Variants in CKMT2 observed in about 807,000 individuals in gnomAD.
CKMT2 encodes the protein creatine kinase, mitochondrial 2, also known as creatine kinase S-type, mitochondrial.
In CKMT2, 43 loss-of-function variants were observed where a neutral mutation model predicts 48.9. The ratio of observed to expected loss-of-function variants is 0.88; its 90% CI spans 0.69 to 1.13. CKMT2 has a LOEUF of 1.13. CKMT2 is among the 50% of genes most tolerant of loss of function. The pLI is 0.00. For synonymous variants in CKMT2, 206 were observed against 213.0 expected (o/e 0.97, Z 0.29); for missense variants, 472 against 555.4 (o/e 0.85, Z 1.51).
intron 8 of CKMT2, among the ~76,000 whole-genome samples, chr5:81,259,884 A>G (rs901131425): frequency 5.9e-5 from 9 of 152,230 alleles, no homozygotes; most frequent in Non-Finnish European, 8.8e-5. Flanking sequence ...ATACACATCT[A>G]TAGAACTATC....
chr5:81,255,499 G>C (rs907893324), intron 5 of CKMT2, among the ~76,000 whole-genome samples: 9 of 152,230 alleles, frequency 5.9e-5, no homozygotes, highest in Non-Finnish European at 1.0e-4. Context: ...ATGAATGGAG[G>C]ATCTCCTAGC....
At position 81,252,622 on chromosome 5, in the gene CKMT2, AAAC is replaced by A. The variant is rs555346881; in HGVS notation, c.153-67_153-65del. Reference sequence around the variant, plus strand: ...AAGGGAGCCTAGTGGAAGGATGGGCAAACAACAAGTCCTTCCATTGGCCCCTTT... The same window carrying A: ...AAGGGAGCCTAGTGGAAGGATGGGCAAACAAGTCCTTCCATTGGCCCCTTT... On this transcript the variant is annotated intron_variant, in intron 2 of 9. Transcript: ENST00000254035. 176 of 1,503,384 alleles carry A rather than the reference AAAC, an allele frequency of 1.2e-4. No individual in the cohort carries two copies. In the African/African-American group the frequency reaches 2.0e-3, roughly 17 times the overall value. The allele number at this position is 1,503,384 out of a possible 1,614,324, so 93.1% of individuals were successfully genotyped here.
intron 1 of CKMT2, among the ~76,000 whole-genome samples, chr5:81,234,861 C>CCT (rs1756203919): frequency 6.6e-6 from 1 of 152,174 alleles, no homozygotes; most frequent in African/African-American, 2.4e-5. Flanking sequence ...CCATAGCCTA[C>CCT]AGCAGGCTCC....
chr5:81,263,063 A>C (rs1757276473), intron 8 of CKMT2, among the ~76,000 whole-genome samples: 1 of 152,072 alleles, frequency 6.6e-6, no homozygotes, highest in Admixed American at 6.6e-5. Flanking sequence ...TTCTCAGCAA[A>C]CTAACACAAG....
chr5:81,260,716 GTAAT>G (rs1233954705), intron 8 of CKMT2, among the ~76,000 whole-genome samples: 4 of 152,166 alleles, frequency 2.6e-5, no homozygotes, highest in African/African-American at 4.8e-5. Context: ...AATTAAGGCA[GTAAT>G]TAATAGCCTA....
chr5:81,243,889 C>T lies in CKMT2; in HGVS notation c.-20-7224C>T, dbSNP rs576146207. 2.2e-4 allele frequency among the ~76,000 whole-genome samples: 33 copies of T among 152,264 alleles called. 1 individual carries two copies. Among genetic ancestry groups the T allele is most frequent in the East Asian group, 9.7e-4 (5 of 5,174 alleles). ...TGTATTTTTAGTAGAGACAGGGTTT[C>T]GCCATGTTGGCTAGGCTGGTCTCTA... On this transcript the variant is annotated intron_variant, in intron 1 of 9. Transcript: ENST00000254035.
intron 1 of CKMT2, among the ~76,000 whole-genome samples, chr5:81,234,021 TAAAAAAAAAAAAAAA>T (rs536455571): frequency 1.1e-5 from 1 of 91,932 alleles, no homozygotes; most frequent in South Asian, 4.2e-4. Context: ...GGAGGTTAAT[TAAAAAAAAAAAAAAA>T]AAAAAAAAAA....
chr5:81,250,474 C>T (rs1334854459), intron 1 of CKMT2, among the ~76,000 whole-genome samples: 1 of 152,098 alleles, frequency 6.6e-6, no homozygotes, highest in African/African-American at 2.4e-5. Flanking sequence ...TTCATTGTTT[C>T]ATCTTAATCT....
chr5:81,254,854 C>A, intron 4 of CKMT2, 139 bp from the exon 5 acceptor site: 2 of 719,080 alleles, frequency 2.8e-6, no homozygotes, highest in Non-Finnish European at 4.8e-6. Context: ...CGGAATGTGT[C>A]CAATTTACGG....
intron 1 of CKMT2, among the ~76,000 whole-genome samples, chr5:81,246,525 C>A (rs930134837): frequency 3.4e-4 from 51 of 152,162 alleles, no homozygotes; most frequent in Admixed American, 1.2e-3. Flanking sequence ...TTTCTTGTTT[C>A]TTGACTGTCT....
At position 81,257,000 on chromosome 5, in the gene CKMT2, G is replaced by A. The variant is rs1377364139; in HGVS notation, c.755G>A (p.Trp252Ter). The change falls in exon 6 of 10, where the codon TGG (tryptophan) becomes TAG (stop). Residue 252 changes from tryptophan (W) to a stop codon, truncating the protein, a stop_gained and splice_region_variant. Transcript: ENST00000254035. LOFTEE classifies it high-confidence loss of function. ...ARDWPDARGI[W>*]HNYDKTFLIW... ...GACTGGCCAGATGCCAGGGGAATCT[G>A]GTATGGATGCAGCATTTTCACATTT... 2.5e-6 allele frequency: 4 copies of A among 1,611,830 alleles called. No homozygotes were observed. Among genetic ancestry groups the A allele is most frequent in the Non-Finnish European group, 3.4e-6 (4 of 1,178,448 alleles).
intron 1 of CKMT2, among the ~76,000 whole-genome samples, chr5:81,234,431 T>C (rs978927346): frequency 2.0e-5 from 3 of 152,198 alleles, no homozygotes; most frequent in Non-Finnish European, 4.4e-5. Flanking sequence ...CTCGTGTCCT[T>C]GGTCTGTTCT....
At chr5:81,249,331 C>T (rs1243636702) in intron 1 of CKMT2, among the ~76,000 whole-genome samples, 1 of 152,198 alleles carries the variant, frequency 6.6e-6, no homozygotes, top group Non-Finnish European at 1.5e-5. Context: ...GATCCGCCCA[C>T]CTTTGCCTCC....
intron 5 of CKMT2, among the ~76,000 whole-genome samples, chr5:81,256,681 A>C (rs1757022547): frequency 6.6e-6 from 1 of 152,180 alleles, no homozygotes; most frequent in African/African-American, 2.4e-5. Context: ...AACTAGAATC[A>C]CCTGAAGAGT....
intron 8 of CKMT2, among the ~76,000 whole-genome samples, chr5:81,262,283 C>T (rs906760254): frequency 1.3e-5 from 2 of 152,030 alleles, no homozygotes; most frequent in African/African-American, 4.8e-5. Context: ...TAGGCATGGG[C>T]AAAGACTTCA....
chr5:81,252,742 G>A lies in CKMT2; in HGVS notation c.200G>A (p.Cys67Tyr). The A allele has an allele frequency of 1.2e-6, 2 of 1,614,210 alleles. No individual in the cohort carries two copies. The highest frequency in any genetic ancestry group is 1.7e-6 in the Non-Finnish European group (2 of 1,180,030). Residue 67 changes from cysteine (C) to tyrosine (Y), a missense_variant, in exon 3 of 10, where the codon TGC (cysteine) becomes TAC (tyrosine). By Grantham distance (194) the Cys-to-Tyr change is radical (BLOSUM62 -2). Transcript: ENST00000254035. ...LRKHNNCMAE[C>Y]LTPAIYAKLR... ...AAGCACAACAACTGCATGGCCGAGT[G>A]CCTCACCCCCGCCATTTATGCCAAG...
At chr5:81,240,240 G>C (rs1756390429) in intron 1 of CKMT2, among the ~76,000 whole-genome samples, 1 of 152,194 alleles carries the variant, frequency 6.6e-6, no homozygotes, top group African/African-American at 2.4e-5. Flanking sequence ...AGTGACACCT[G>C]TGTGCTGTGG....
chr5:81,265,359 G>GGAGT (rs769286404), intron 9 of CKMT2, among the ~76,000 whole-genome samples: 5 of 152,172 alleles, frequency 3.3e-5, no homozygotes, highest in Non-Finnish European at 1.5e-5. Flanking sequence ...GGAGGCAGCT[G>GGAGT]GAGTATGTGA....
intron 1 of CKMT2, among the ~76,000 whole-genome samples, chr5:81,249,056 T>G (rs1330991533): frequency 6.6e-6 from 1 of 151,536 alleles, no homozygotes; most frequent in Admixed American, 6.6e-5. Flanking sequence ...CATGCTCTTT[T>G]TTTTTTTTTT....
Sources: allele counts gnomAD v4.1 joint callset (sites outside exome capture counted in the v4.1 genomes callset), GRCh38; gene constraint gnomAD v4.1.1; transcripts MANE v1.5; gene names NCBI Gene and HGNC (gene_info 2026-07-23, HGNC 2026-07-21).